Variants in BAIAP2L1 observed in about 807,000 individuals in gnomAD.
BAIAP2L1 encodes BAR/IMD domain-containing adapter protein 2-like 1.
In BAIAP2L1, 35 loss-of-function variants were observed where a neutral mutation model predicts 66.3. The ratio of observed to expected loss-of-function variants is 0.53; its 90% confidence interval spans 0.40 to 0.70. BAIAP2L1 has a LOEUF of 0.70. Ranked by LOEUF, BAIAP2L1 falls within the 30% of genes least tolerant of loss-of-function variation. The pLI is 0.00. For synonymous variants in BAIAP2L1, 269 were observed against 248.7 expected (o/e 1.08, Z -0.77); for missense variants, 622 against 656.9 (o/e 0.95, Z 0.58).
chr7:98,373,740 A>T (rs1802561812), intron 1 of BAIAP2L1, among the ~76,000 whole-genome samples: 1 of 152,200 alleles, frequency 6.6e-6, no homozygotes, highest in South Asian at 2.1e-4. Context: ...ATTCTAAGAG[A>T]AAAGCTCTAA....
chr7:98,297,622 T>TCCCCTGCCCCCTTGGGAGAAGCCCC (rs1800246283), intron 12 of BAIAP2L1, among the ~76,000 whole-genome samples: 1 of 152,240 alleles, frequency 6.6e-6, no homozygotes, highest in Non-Finnish European at 1.5e-5. Flanking sequence ...CGGACTTGTC[T>TCCCCTGCCCCCTTGGGAGAAGCCCC]TCCAGTTCAC....
At chr7:98,400,740 T>A (rs1803350293) in intron 1 of BAIAP2L1, 62 bp downstream of exon 1, 19 of 1,522,832 alleles carry the variant, frequency 1.2e-5, no homozygotes, top group Non-Finnish European at 1.7e-5. Context: ...CCGCGTAAAG[T>A]CCCCTTCTGA....
intron 1 of BAIAP2L1, among the ~76,000 whole-genome samples, chr7:98,389,328 A>AT (rs932671597): frequency 1.5e-4 from 22 of 151,250 alleles, no homozygotes; most frequent in East Asian, 3.9e-4. Context: ...CTTATTTTTT[A>AT]TTTTTTTTGA....
chr7:98,315,200 C>T (rs946386296), intron 7 of BAIAP2L1, among the ~76,000 whole-genome samples: 35 of 152,174 alleles, frequency 2.3e-4, no homozygotes, highest in Non-Finnish European at 3.7e-4. Context: ...TGGCTCACTG[C>T]AGCCTCAACT....
chr7:98,312,131 G>A lies in BAIAP2L1; in HGVS notation c.773C>T (p.Pro258Leu), dbSNP rs1288642154. 6.2e-7 allele frequency: 1 copy of A among 1,613,356 alleles called. No homozygotes were observed. Among genetic ancestry groups the A allele is most frequent in the Admixed American group, 1.7e-5 (1 of 59,786 alleles). ...TPASTPVSGT[P>L]QASPMIERSN... ...TCTCTCGATCATGGGTGAAGCCTGA[G>A]GAGTTCCAGACACGGGGGTAGAGGC... The change falls in exon 8 of 14, where the codon CCT (proline) becomes CTT (leucine). Residue 258 changes from proline to leucine, a missense_variant. Physicochemically the swap from Pro to Leu is moderately conservative, Grantham distance 98. Transcript: ENST00000005260.
chr7:98,312,928 C>A (rs752979641), intron 7 of BAIAP2L1, among the ~76,000 whole-genome samples: 1 of 152,160 alleles, frequency 6.6e-6, no homozygotes, highest in Non-Finnish European at 1.5e-5. Flanking sequence ...CAGAGGCCCC[C>A]CAAGCGCTTC....
chr7:98,385,746 T>G lies in BAIAP2L1; in HGVS notation c.51+15056A>C, dbSNP rs1802874772. 1.3e-5 allele frequency: 18 copies of G among 1,387,646 alleles called. No homozygotes were observed. The South Asian group carries it at 2.0e-4, about 15-fold the overall frequency. 86.0% of individuals were successfully genotyped at this position (1,387,646 alleles called of 1,614,324 possible). A position where few individuals can be genotyped will look rare whatever the true frequency, so the allele number is the denominator to read the frequency against. ...AACATTTCTTTTTTTTGTTGTTTTTTTTTTCACAAATAGCACTCTTTATTT... is the reference window on the plus strand; with the variant it reads ...AACATTTCTTTTTTTTGTTGTTTTTGTTTTCACAAATAGCACTCTTTATTT... On this transcript the variant is annotated intron_variant, in intron 1 of 13. Coordinates refer to ENST00000005260, the MANE Select transcript of BAIAP2L1 (RefSeq NM_018842.5).
rs532155448 is a variant in BAIAP2L1 at position 98,320,005 on chromosome 7, G to A, written c.348+53C>T. On this transcript the variant is annotated intron_variant, in intron 5 of 13. Transcript: ENST00000005260. The stretch of plus-strand genomic sequence containing the variant: ...AACAGTGGGAACGAGTTCTCCCCAG[G>A]CTGGGAGGTCAGGCAGCCCAAGGCT... 31 of 1,454,398 alleles carry A rather than the reference G, an allele frequency of 2.1e-5. No individual in the cohort carries two copies. In the Admixed American group the frequency reaches 5.5e-4, roughly 26 times the overall value. The allele number at this position is 1,454,398 out of a possible 1,614,324, so 90.1% of individuals were successfully genotyped here.
At chr7:98,315,988 T>C (rs1300713411) in intron 6 of BAIAP2L1, among the ~76,000 whole-genome samples, 1 of 152,188 alleles carries the variant, frequency 6.6e-6, no homozygotes, top group Non-Finnish European at 1.5e-5. Context: ...TTTGGCTGTG[T>C]CCCCACCCAA....
chr7:98,375,742 C>CA (rs372282399), intron 1 of BAIAP2L1, among the ~76,000 whole-genome samples: 15,280 of 58,538 alleles, frequency 0.26, 1,237 homozygotes, highest in East Asian at 0.32. Flanking sequence ...AAGTCCATCT[C>CA]AAAAAAAAAA....
At chr7:98,373,453 CTT>C (rs1802556840) in intron 1 of BAIAP2L1, among the ~76,000 whole-genome samples, 1 of 152,122 alleles carries the variant, frequency 6.6e-6, no homozygotes, top group African/African-American at 2.4e-5. Context: ...TTATCTGTAA[CTT>C]ATAAGATGCC....
intron 12 of BAIAP2L1, among the ~76,000 whole-genome samples, chr7:98,294,626 G>A (rs778179599): frequency 2.0e-5 from 3 of 152,174 alleles, no homozygotes; most frequent in African/African-American, 2.4e-5. Flanking sequence ...TCTCAGACTC[G>A]GGGCAAACAG....
chr7:98,342,729 C>G (rs1801773821), intron 3 of BAIAP2L1, among the ~76,000 whole-genome samples: 1 of 152,168 alleles, frequency 6.6e-6, no homozygotes, highest in Non-Finnish European at 1.5e-5. Context: ...TTATTTTTCT[C>G]TGCTTTAAGG....
chr7:98,291,655 T>C lies in BAIAP2L1; in HGVS notation c.*1866A>G. On this transcript the variant is annotated 3_prime_UTR_variant, in exon 14 of 14. Coordinates refer to ENST00000005260, the MANE Select transcript of BAIAP2L1 (RefSeq NM_018842.5). The stretch of plus-strand genomic sequence containing the variant: ...GCGCTTACAGCTCAAGAAAATGTTT[T>C]CAAGTTCTGCTTTATTATTAAAGTT... 2 of 376,128 alleles carry C rather than the reference T, an allele frequency of 5.3e-6. No homozygotes were observed. Among genetic ancestry groups the C allele is most frequent in the Non-Finnish European group, 7.5e-6 (2 of 267,118 alleles). The allele number at this position is 376,128 out of a possible 1,614,324, so 23.3% of individuals were successfully genotyped here. A position where few individuals can be genotyped will look rare whatever the true frequency, so the allele number is the denominator to read the frequency against.
chr7:98,343,288 GAC>G (rs1383923666), intron 3 of BAIAP2L1, among the ~76,000 whole-genome samples: 2 of 79,880 alleles, frequency 2.5e-5, no homozygotes, highest in African/African-American at 4.9e-5. Context: ...CACACACACA[GAC>G]ACACACACAC....
intron 1 of BAIAP2L1, among the ~76,000 whole-genome samples, chr7:98,395,745 G>GA (rs1201593469): frequency 6.6e-6 from 1 of 152,022 alleles, no homozygotes; most frequent in Non-Finnish European, 1.5e-5. Flanking sequence ...TATTGAGTTG[G>GA]AATTATTACA....
At chr7:98,328,861 T>A (rs1358296565) in intron 3 of BAIAP2L1, among the ~76,000 whole-genome samples, 2 of 152,174 alleles carry the variant, frequency 1.3e-5, no homozygotes, top group Non-Finnish European at 2.9e-5. Context: ...TACACTCAGC[T>A]CGACACTTCT....
intron 3 of BAIAP2L1, among the ~76,000 whole-genome samples, chr7:98,339,567 G>A (rs1003510652): frequency 1.3e-5 from 2 of 152,198 alleles, no homozygotes; most frequent in Non-Finnish European, 2.9e-5. Context: ...GTGGCACCAT[G>A]GTGTGCCCGG....
intron 3 of BAIAP2L1, among the ~76,000 whole-genome samples, chr7:98,336,304 G>C (rs1562977690): frequency 6.6e-6 from 1 of 152,126 alleles, no homozygotes; most frequent in Non-Finnish European, 1.5e-5. Flanking sequence ...AATATAAGTT[G>C]AAAGTAAAAT....
Sources: allele counts gnomAD v4.1 joint callset (sites outside exome capture counted in the v4.1 genomes callset), GRCh38; gene constraint gnomAD v4.1.1; transcripts MANE v1.5; gene names NCBI Gene and HGNC (gene_info 2026-07-23, HGNC 2026-07-21).